Variants in TDRD12 observed in about 807,000 individuals in gnomAD.
TDRD12 encodes the protein tudor domain containing 12.
A neutral mutation model predicts 133.5 loss-of-function variants in TDRD12; 158 were observed. The ratio of observed to expected loss-of-function variants is 1.18; its 90% CI spans 1.04 to 1.35. The LOEUF (loss-of-function observed/expected upper bound fraction) is 1.35. Ranked by LOEUF, TDRD12 falls within the 40% of genes most tolerant of loss-of-function variation. The pLI is 0.00. For synonymous variants in TDRD12, 460 were observed against 477.9 expected (o/e 0.96, Z 0.49); for missense variants, 1,443 against 1,321.3 (o/e 1.09, Z -1.43).
intron 19 of TDRD12, among the ~76,000 whole-genome samples, chr19:32,802,190 G>GATC (rs1555775726): frequency 1.4e-5 from 2 of 140,640 alleles, no homozygotes; most frequent in East Asian, 2.1e-4. Flanking sequence ...ATATGATAGT[G>GATC]ATATATATGA....
chr19:32,757,209 T>C (rs917916869), intron 8 of TDRD12, 79 bp downstream of exon 8: 10 of 1,161,774 alleles, frequency 8.6e-6, no homozygotes, highest in Admixed American at 4.4e-5. Flanking sequence ...AGAAAGGTTG[T>C]CTAGAAAGGC....
intron 9 of TDRD12, chr19:32,826,699 T>C: frequency 8.1e-7 from 1 of 1,232,468 alleles, no homozygotes; most frequent in Non-Finnish European, 1.0e-6. Flanking sequence ...AACGTGGCTT[T>C]TGATTTTGAT....
chr19:32,728,498 G>A (rs1050742455), intron 1 of TDRD12, among the ~76,000 whole-genome samples: 3 of 152,032 alleles, frequency 2.0e-5, no homozygotes, highest in Admixed American at 1.3e-4. Flanking sequence ...AAGGTTCTCT[G>A]TGTAGACAAT....
chr19:32,773,334 G>A, intron 9 of TDRD12, 122 bp from the exon 10 acceptor site: 1 of 823,054 alleles, frequency 1.2e-6, no homozygotes, highest in Non-Finnish European at 2.0e-6. Context: ...CTCTGTGTGT[G>A]CATGAAAGAT....
chr19:32,732,027 G>A, intron 2 of TDRD12, 144 bp downstream of exon 2: 1 of 804,506 alleles, frequency 1.2e-6, no homozygotes, highest in South Asian at 2.2e-5. Context: ...TTTTTGAGAT[G>A]GAGTCTCGCT....
chr19:32,733,635 C>T (rs1599834034), intron 2 of TDRD12, among the ~76,000 whole-genome samples: 1 of 152,196 alleles, frequency 6.6e-6, no homozygotes, highest in South Asian at 2.1e-4. Context: ...CTGAGATTGA[C>T]CAGAGGGGAC....
chr19:32,738,673 C>A (rs1969298083), intron 2 of TDRD12, among the ~76,000 whole-genome samples, 183 bp from the exon 3 acceptor site: 1 of 152,146 alleles, frequency 6.6e-6, no homozygotes, highest in South Asian at 2.1e-4. Flanking sequence ...ATTAGCCAGG[C>A]ATGGCGGCAG....
At chr19:32,821,413 TGTGA>T, downstream of TDRD12, 2 of 306,078 alleles carry the variant, frequency 6.5e-6, no homozygotes, top group East Asian at 1.5e-4. Flanking sequence ...TGTGTGTGCG[TGTGA>T]ACCACACCCA....
intron 1 of TDRD12, among the ~76,000 whole-genome samples, chr19:32,729,778 CTTTTTTT>C (rs1162347194): frequency 6.5e-3 from 475 of 73,490 alleles, no homozygotes; most frequent in Non-Finnish European, 9.6e-3. Flanking sequence ...TTTTCTTTTT[CTTTTTTT>C]TTTTTTTTTT....
chr19:32,737,763 A>G (rs1355797518), intron 2 of TDRD12, among the ~76,000 whole-genome samples: 1 of 152,198 alleles, frequency 6.6e-6, no homozygotes, highest in African/African-American at 2.4e-5. Flanking sequence ...AGTAAACAAA[A>G]CAGACAAAAA....
At chr19:32,815,717 T>G in intron 26 of TDRD12, 97 bp downstream of exon 26, 3 of 1,224,736 alleles carry the variant, frequency 2.4e-6, no homozygotes, top group Non-Finnish European at 3.3e-6. Flanking sequence ...AAGAGTTGGC[T>G]GGGTGCGGTG....
exon 24 of TDRD12, chr19:32,811,357 G>A (rs1966998965): frequency 2.0e-5 from 30 of 1,536,132 alleles, no homozygotes; most frequent in Non-Finnish European, 2.5e-5. Context: ...TTCCCCCGCA[G>A]GCTGTGGAGT....
intron 2 of TDRD12, among the ~76,000 whole-genome samples, chr19:32,736,626 G>A (rs557014891): frequency 6.6e-6 from 1 of 152,232 alleles, no homozygotes; most frequent in African/African-American, 2.4e-5. Flanking sequence ...TTTGAGTTAT[G>A]TGAGGTTCTC....
At chr19:32,751,817 G>C (rs1262670133) in intron 6 of TDRD12, among the ~76,000 whole-genome samples, 2 of 151,926 alleles carry the variant, frequency 1.3e-5, no homozygotes, top group Non-Finnish European at 2.9e-5. Context: ...CAAAGTGCTG[G>C]TATCACAGGT....
chr19:32,755,760 G>A (rs1204174662), intron 6 of TDRD12, among the ~76,000 whole-genome samples: 1 of 152,216 alleles, frequency 6.6e-6, no homozygotes, highest in African/African-American at 2.4e-5. Context: ...CAGTGCGTAT[G>A]TCCAAGAAGA....
chr19:32,729,830 G>A (rs1225539314), intron 1 of TDRD12, among the ~76,000 whole-genome samples: 5 of 111,118 alleles, frequency 4.5e-5, no homozygotes, highest in East Asian at 3.0e-4. Flanking sequence ...TTGCTCTGTC[G>A]CCCAGGCTGG....
intron 1 of TDRD12, among the ~76,000 whole-genome samples, chr19:32,722,984 C>T (rs1439512471): frequency 6.6e-6 from 1 of 152,016 alleles, no homozygotes; most frequent in Admixed American, 6.6e-5. Flanking sequence ...CTGGCCCCCC[C>T]ATGTAACCTT....
intron 21 of TDRD12, among the ~76,000 whole-genome samples, chr19:32,806,496 C>T (rs1354539064): frequency 6.6e-6 from 1 of 151,650 alleles, no homozygotes. Flanking sequence ...GCGTGAACCA[C>T]CACACCTGGC....
intron 14 of TDRD12, among the ~76,000 whole-genome samples, chr19:32,796,768 C>T (rs886603146): frequency 6.6e-6 from 1 of 152,098 alleles, no homozygotes; most frequent in African/African-American, 2.4e-5. Context: ...CCCTGTGGCC[C>T]CCAGCTTTCT....
Sources: gnomAD v4.1 joint callset for allele counts (sites outside exome capture counted in the v4.1 genomes callset) on GRCh38, gnomAD v4.1.1 for gene constraint, MANE v1.5 for transcripts, NCBI Gene and HGNC (gene_info 2026-07-23, HGNC 2026-07-21) for gene names.